TRHDE: variants seen among roughly 807,000 people sequenced by gnomAD.
The protein encoded by TRHDE is thyrotropin releasing hormone degrading enzyme.
Under a neutral mutation model 125.7 loss-of-function variants are expected in TRHDE, and 72 were observed. The observed-to-expected ratio is 0.57, with a 90% CI of 0.47 to 0.70. The LOEUF (loss-of-function observed/expected upper bound fraction) is 0.70. TRHDE is among the 30% of genes least tolerant of loss of function. The pLI is 0.00. For missense variants in TRHDE, 1,110 were observed against 1,327.1 expected (o/e 0.84, Z 2.54); for synonymous variants, 509 against 509.1 (o/e 1.00, Z 0.00).
At chr12:72,094,179 A>G (rs987511249) in intron 1 of TRHDE, among the ~76,000 whole-genome samples, 3 of 152,172 alleles carry the variant, frequency 2.0e-5, no homozygotes, top group Non-Finnish European at 4.4e-5. Flanking sequence ...GGCCAGTAGG[A>G]CTGGTGCTAG....
At chr12:72,265,542 C>G (rs1264374519) in intron 2 of TRHDE, among the ~76,000 whole-genome samples, 1 of 150,616 alleles carries the variant, frequency 6.6e-6, no homozygotes, top group Non-Finnish European at 1.5e-5. Flanking sequence ...AGGCATGAAC[C>G]CCACCCCCCC....
intron 2 of TRHDE, among the ~76,000 whole-genome samples, chr12:72,314,579 G>T (rs894697739): frequency 1.3e-5 from 2 of 152,038 alleles, no homozygotes; most frequent in African/African-American, 4.8e-5. Context: ...TGTCACTGAA[G>T]GAAAAATGGT....
In TRHDE at chr12:72,390,719, T is replaced by C. The variant is rs541845088; in HGVS notation, c.1315+12598T>C. On this transcript the variant is annotated intron_variant, in intron 3 of 18. Coordinates refer to ENST00000261180, the MANE Select transcript of TRHDE (RefSeq NM_013381.3). ...AGACACTCCATGATTACTTATTGAT[T>C]GATTATCATTTCTAAGGATTAGGAA... Among the ~76,000 whole-genome samples, 42 of 152,332 alleles carry C rather than the reference T, an allele frequency of 2.8e-4. 2 individuals carry two copies. The South Asian group carries it at 3.3e-3, about 12-fold the overall frequency.
chr12:72,490,772 A>C (rs1449682872), intron 5 of TRHDE, among the ~76,000 whole-genome samples: 1 of 150,930 alleles, frequency 6.6e-6, no homozygotes, highest in African/African-American at 2.4e-5. Flanking sequence ...AAAAAAAAAA[A>C]CAACCCTTGA....
At chr12:72,353,722 A>T (rs1870687477) in intron 2 of TRHDE, among the ~76,000 whole-genome samples, 1 of 151,676 alleles carries the variant, frequency 6.6e-6, no homozygotes, top group African/African-American at 2.4e-5. Flanking sequence ...ATATATTAAA[A>T]TAATAACAAA....
At chr12:72,281,196 T>A (rs1879685111) in intron 1 of TRHDE, among the ~76,000 whole-genome samples, 2 of 152,148 alleles carry the variant, frequency 1.3e-5, no homozygotes, top group African/African-American at 4.8e-5. Flanking sequence ...TTAAAAAAAA[T>A]AGACTACACA....
intron 6 of TRHDE, among the ~76,000 whole-genome samples, chr12:72,506,276 ACT>A (rs2135942655): frequency 6.6e-6 from 1 of 152,258 alleles, no homozygotes; most frequent in Non-Finnish European, 1.5e-5. Flanking sequence ...GATCTCCTGC[ACT>A]CCAGCCTGGA....
At chr12:72,197,476 G>A (rs747982946) in intron 2 of TRHDE, among the ~76,000 whole-genome samples, 6 of 152,128 alleles carry the variant, frequency 3.9e-5, no homozygotes, top group Non-Finnish European at 2.9e-5. Context: ...AGCAGGGTTT[G>A]ATACATAGCT....
chr12:72,538,409 T>G (rs182067253), intron 6 of TRHDE, among the ~76,000 whole-genome samples: 1 of 152,152 alleles, frequency 6.6e-6, no homozygotes, highest in East Asian at 1.9e-4. Context: ...ATTTCTTCGT[T>G]GATTTCAATG....
rs534850551 is a variant in TRHDE, at chr12:72,469,932, G to A, written c.1470+20G>A. The A allele has an allele frequency of 3.7e-6, 6 of 1,609,786 alleles. No individual in the cohort carries two copies. The African/African-American group carries it at 8.0e-5, about 22-fold the overall frequency. Reference sequence around the variant, plus strand: ...CACCAGGTATGAGAAAAAGAATCAGGTGTAAGTATAATGTGAAAGCTATTG... The same window carrying A: ...CACCAGGTATGAGAAAAAGAATCAGATGTAAGTATAATGTGAAAGCTATTG... On this transcript the variant is annotated intron_variant, in intron 4 of 18. Coordinates refer to ENST00000261180, the MANE Select transcript of TRHDE (RefSeq NM_013381.3).
chr12:72,621,055 C>A, intron 13 of TRHDE, 53 bp from the exon 14 acceptor site: 1 of 842,360 alleles, frequency 1.2e-6, no homozygotes, highest in Non-Finnish European at 1.9e-6. Context: ...TAATTGTCAG[C>A]ATACAGAAGT....
At chr12:72,545,406 A>G (rs1869369416) in intron 7 of TRHDE, among the ~76,000 whole-genome samples, 1 of 151,548 alleles carries the variant, frequency 6.6e-6, no homozygotes, top group East Asian at 1.9e-4. Context: ...TGAAATGTTT[A>G]AGAGTTGAAC....
intron 5 of TRHDE, among the ~76,000 whole-genome samples, chr12:72,481,160 A>T (rs1345006856): frequency 6.6e-6 from 1 of 152,058 alleles, no homozygotes; most frequent in Non-Finnish European, 1.5e-5. Flanking sequence ...GTTTTAAAAG[A>T]CATTAGAACA....
intron 2 of TRHDE, among the ~76,000 whole-genome samples, chr12:72,238,280 A>T (rs187287135): frequency 0.018 from 216 of 12,198 alleles, 8 homozygotes; most frequent in African/African-American, 0.1. Flanking sequence ...TCCTTAATAT[A>T]TATATATATA....
intron 7 of TRHDE, among the ~76,000 whole-genome samples, chr12:72,556,118 A>G (rs144199594): frequency 6.6e-6 from 1 of 152,332 alleles, no homozygotes; most frequent in East Asian, 1.9e-4. Context: ...GTTCATAAGA[A>G]CAACAAAAGC....
rs1873037733 is a variant in TRHDE, at chr12:72,621,181, T to C, written c.2543T>C (p.Leu848Pro). 3.7e-6 allele frequency: 6 copies of C among 1,611,544 alleles called. No homozygotes were observed. The highest frequency in any genetic ancestry group is 5.1e-6 in the Non-Finnish European group (6 of 1,178,078). The change falls in exon 14 of 19, where the codon CTT (leucine) becomes CCT (proline). Residue 848 changes from leucine to proline, a missense_variant. Around this residue, in one of 5 missense-constraint regions of TRHDE, gnomAD observed 527 missense variants for 651.8 expected, o/e 0.81. Transcript: ENST00000261180. Reference sequence around the variant, plus strand: ...CCGAAAAATAATTTTAATGGATCTCTTGTTCAAGCATCCTACCAACATGAG... The same window carrying C: ...CCGAAAAATAATTTTAATGGATCTCCTGTTCAAGCATCCTACCAACATGAG... ...GWPKNNFNGS[L>P]VQASYQHEEL...
At chr12:72,576,949 C>A (rs1037179051) in intron 12 of TRHDE, among the ~76,000 whole-genome samples, 13 of 152,146 alleles carry the variant, frequency 8.5e-5, no homozygotes, top group African/African-American at 3.1e-4. Flanking sequence ...ATAGCACCAT[C>A]TTATTGGGCA....
chr12:72,369,957 A>C (rs1259263239), intron 2 of TRHDE, among the ~76,000 whole-genome samples: 2 of 152,186 alleles, frequency 1.3e-5, no homozygotes, highest in Non-Finnish European at 2.9e-5. Flanking sequence ...GTTATGATTA[A>C]GTAGGACCTA....
rs113213697 is a variant in TRHDE at position 72,584,886 on chromosome 12, G to A, written c.2321+9344G>A. Among the ~76,000 whole-genome samples the A allele has an allele frequency of 5.7e-3, 873 of 152,278 alleles. 6 individuals carry two copies. Among genetic ancestry groups the A allele is most frequent in the African/African-American group, 0.02 (811 of 41,554 alleles). Reference sequence around the variant, plus strand: ...TGAAAGTGCAGATATCTCTTTGACAGAAACAGTACTCTAAAAATATCATAT... The same window carrying A: ...TGAAAGTGCAGATATCTCTTTGACAAAAACAGTACTCTAAAAATATCATAT... On this transcript the variant is annotated intron_variant, in intron 12 of 18. Coordinates refer to ENST00000261180, the MANE Select transcript of TRHDE (RefSeq NM_013381.3).
Sources: allele counts gnomAD v4.1 joint callset (sites outside exome capture counted in the v4.1 genomes callset), GRCh38; gene constraint gnomAD v4.1.1; regional missense constraint gnomAD v4.1.1; transcripts MANE v1.5; gene names NCBI Gene and HGNC (gene_info 2026-07-23, HGNC 2026-07-21).